The following ARHGEF11 variants were observed in gnomAD, a reference collection of about 807,000 sequenced individuals.
ARHGEF11 encodes the protein Rho guanine nucleotide exchange factor 11.
Under a neutral mutation model 193.7 loss-of-function variants are expected in ARHGEF11, and 55 were observed. The ratio of observed to expected loss-of-function variants is 0.28; its 90% CI spans 0.23 to 0.36. ARHGEF11 has a LOEUF of 0.36. Among genes scored for constraint, ARHGEF11 ranks in the 10% least tolerant of loss-of-function variants. ARHGEF11 has a pLI of 1.00. For synonymous variants in ARHGEF11, 693 were observed against 768.0 expected (o/e 0.90, Z 1.62); for missense variants, 1,723 against 2,005.6 (o/e 0.86, Z 2.69).
chr1:156,940,409 C>G lies in ARHGEF11; in HGVS notation c.3531G>C (p.Gln1177His), dbSNP rs753571729. ...GGACCTGGTGCTTCCCTTGGACCCT[C>G]TGCTGGGACCCAGTGCCTGTTTCGG... Reference protein sequence around the residue: ...EELPGGTGSQQRVQGKHQVLL... With the variant: ...EELPGGTGSQHRVQGKHQVLL... The change falls in exon 36 of 41, where the codon CAG becomes CAC. Residue 1177 changes from glutamine (Q) to histidine (H), a missense_variant. Gln to His is a conservative substitution (Grantham distance 24). Around this residue, in one of 5 missense-constraint regions of ARHGEF11, gnomAD observed 203 missense variants for 237.3 expected, o/e 0.86. Transcript: ENST00000368194. 1.7e-5 allele frequency: 28 copies of G among 1,604,610 alleles called. No individual in the cohort carries two copies. Among genetic ancestry groups the G allele is most frequent in the Admixed American group, 3.4e-5 (2 of 59,580 alleles).
intron 1 of ARHGEF11, among the ~76,000 whole-genome samples, chr1:157,013,040 G>C (rs886809194): frequency 2.6e-5 from 4 of 152,194 alleles, no homozygotes; most frequent in African/African-American, 9.6e-5. Context: ...CAGTGATGTG[G>C]AAGAGGAGGT....
intron 1 of ARHGEF11, among the ~76,000 whole-genome samples, chr1:157,003,655 CAGCCAGCCTCACTA>C (rs1312261544): frequency 1.3e-5 from 2 of 152,248 alleles, no homozygotes; most frequent in East Asian, 3.8e-4. Flanking sequence ...CCAAATCCAA[CAGCCAGCCTCACTA>C]AGCCAGCCTG....
At chr1:156,951,437 G>C in intron 22 of ARHGEF11, 136 bp downstream of exon 22, 1 of 1,171,648 alleles carries the variant, frequency 8.5e-7, no homozygotes, top group South Asian at 1.5e-5. Flanking sequence ...GATACTGGGG[G>C]TGGGGAGGAA....
chr1:157,046,842 C>G (rs908777066), upstream of ARHGEF11, among the ~76,000 whole-genome samples: 1 of 151,680 alleles, frequency 6.6e-6, no homozygotes, highest in South Asian at 2.1e-4. Context: ...AAACCCCCCC[C>G]CTCTACTAAA....
At chr1:156,950,243 T>C (rs1230112032) in intron 22 of ARHGEF11, among the ~76,000 whole-genome samples, 6 of 152,204 alleles carry the variant, frequency 3.9e-5, no homozygotes, top group Non-Finnish European at 1.5e-5. Flanking sequence ...CAAAATCTTT[T>C]AACACGTGTT....
chr1:156,941,229 C>G (rs574974587), intron 35 of ARHGEF11, 143 bp downstream of exon 35: 2 of 705,656 alleles, frequency 2.8e-6, no homozygotes, highest in Admixed American at 2.2e-5. Flanking sequence ...CTCTTCCTCC[C>G]GCCCTGTTTC....
At chr1:156,981,964 A>G (rs1664246374) in intron 3 of ARHGEF11, among the ~76,000 whole-genome samples, 1 of 152,172 alleles carries the variant, frequency 6.6e-6, no homozygotes. Context: ...AGCCCATCTA[A>G]ATGTTTCTAC....
intron 10 of ARHGEF11, 75 bp from the exon 11 acceptor site, chr1:156,968,199 T>C (rs1381105946): frequency 1.5e-5 from 22 of 1,515,636 alleles, no homozygotes; most frequent in East Asian, 2.3e-5. Context: ...TTGGTGTTGG[T>C]GGTGATAACC....
chr1:157,033,501 T>C (rs952596662), intron 1 of ARHGEF11, among the ~76,000 whole-genome samples: 7 of 152,182 alleles, frequency 4.6e-5, no homozygotes, highest in African/African-American at 1.2e-4. Context: ...TTTAATCCCA[T>C]GTCTGCACTG....
chr1:156,957,525 G>A (rs901181390), intron 18 of ARHGEF11, among the ~76,000 whole-genome samples: 3 of 152,196 alleles, frequency 2.0e-5, no homozygotes, highest in Non-Finnish European at 4.4e-5. Flanking sequence ...ATGGGACTGT[G>A]AGAAGCGATG....
At chr1:156,955,593 C>A in intron 20 of ARHGEF11, 110 bp downstream of exon 20, 1 of 839,496 alleles carries the variant, frequency 1.2e-6, no homozygotes, top group Non-Finnish European at 2.0e-6. Context: ...TGAGTTTGGG[C>A]CTGTGGCTCC....
intron 1 of ARHGEF11, among the ~76,000 whole-genome samples, chr1:157,035,278 G>A (rs1243661920): frequency 6.6e-6 from 1 of 152,164 alleles, no homozygotes; most frequent in Non-Finnish European, 1.5e-5. Context: ...AGGACTGAGG[G>A]TAATTCAAGC....
rs574159664 is a variant in ARHGEF11 at position 156,997,715 on chromosome 1, T to C, written c.33-11542A>G. Among the ~76,000 whole-genome samples the C allele has an allele frequency of 2.8e-3, 432 of 151,796 alleles. 1 individual carries two copies. Among genetic ancestry groups the C allele is most frequent in the Admixed American group, 4.9e-3 (74 of 15,254 alleles). On this transcript the variant is annotated intron_variant, in intron 1 of 40. Transcript: ENST00000368194. The stretch of plus-strand genomic sequence containing the variant: ...GGCTGGCTCAAATTGAAATACACTG[T>C]ATAAAATGCACATCAGATTTAAAGT...
Position 156,937,351 on chromosome 1 carries a change from A to G in ARHGEF11, c.4338T>C (p.Asp1446=), listed in dbSNP as rs756983634. 6.2e-7 allele frequency: 1 copy of G among 1,612,718 alleles called. No individual in the cohort carries two copies. The highest frequency in any genetic ancestry group is 1.1e-5 in the South Asian group (1 of 90,904). Residue 1446 remains aspartate (D), a synonymous_variant, in exon 39 of 41, where the codon GAT becomes GAC. Transcript: ENST00000368194. The stretch of plus-strand genomic sequence containing the variant: ...GAGGAGAGCGGCTGGGGCGTCTTGG[A>G]TCATCGTTGCCTCCCTGCAGCTGAG... The part of the protein sequence containing the change: ...PQPQLQGGND[D]PRRPSRSPPS...
intron 1 of ARHGEF11, among the ~76,000 whole-genome samples, chr1:157,034,713 TCTTGAACC>T (rs1252800416): frequency 4.6e-5 from 7 of 152,168 alleles, no homozygotes; most frequent in African/African-American, 1.7e-4. Context: ...GAGACACTGC[TCTTGAACC>T]CTTAGGAACA....
Position 156,986,150 on chromosome 1 carries a change from C to T in ARHGEF11, c.56G>A (p.Gly19Glu). The T allele has an allele frequency of 1.9e-6, 3 of 1,613,810 alleles. No individual in the cohort carries two copies. The East Asian group carries it at 6.7e-5, about 36-fold the overall frequency. The change falls in exon 2 of 41, where the codon GGA becomes GAA. Residue 19 changes from glycine to glutamate, a missense_variant. Physicochemically the swap from Gly to Glu is moderately conservative, Grantham distance 98. Coordinates refer to ENST00000368194, the MANE Select transcript of ARHGEF11 (RefSeq NM_198236.3). ...IDRLSSLSSL[G>E]DSAPERKSPS... The stretch of plus-strand genomic sequence containing the variant: ...GGACTTGCGCTCTGGTGCAGAATCT[C>T]CCAGAGAAGACAGGCTACTTAACCT...
At chr1:156,958,946 C>A in intron 16 of ARHGEF11, 82 bp from the exon 17 acceptor site, 1 of 1,609,450 alleles carries the variant, frequency 6.2e-7, no homozygotes, top group Non-Finnish European at 8.5e-7. Flanking sequence ...AAGACAAACA[C>A]ATATAACAAG....
chr1:157,037,554 C>G (rs946880236), intron 1 of ARHGEF11, among the ~76,000 whole-genome samples: 1 of 152,188 alleles, frequency 6.6e-6, no homozygotes, highest in Non-Finnish European at 1.5e-5. Flanking sequence ...CTCCTCTAGT[C>G]TGAAATGGCC....
chr1:156,951,094 T>C (rs1421368611), intron 22 of ARHGEF11, among the ~76,000 whole-genome samples: 1 of 152,220 alleles, frequency 6.6e-6, no homozygotes, highest in Non-Finnish European at 1.5e-5. Flanking sequence ...CTGATGCCTA[T>C]AGTTACATCA....
Sources: gnomAD v4.1 joint callset for allele counts (sites outside exome capture counted in the v4.1 genomes callset) on GRCh38, gnomAD v4.1.1 for gene constraint, gnomAD v4.1.1 regional missense constraint, MANE v1.5 for transcripts, NCBI Gene and HGNC (gene_info 2026-07-23, HGNC 2026-07-21) for gene names.